The following LDLRAD3 variants were observed in gnomAD, a reference collection of about 807,000 sequenced individuals.
The protein encoded by LDLRAD3 is low-density lipoprotein receptor class A domain-containing protein 3.
A neutral mutation model predicts 29.4 loss-of-function variants in LDLRAD3; 20 were observed. That is an observed-to-expected ratio of 0.68 (90% CI 0.48 to 0.99). The LOEUF (loss-of-function observed/expected upper bound fraction) is 0.99, where lower values mean the gene tolerates loss of function less well. Ranked by LOEUF, LDLRAD3 falls within the 50% of genes least tolerant of loss-of-function variation. The pLI, the probability that LDLRAD3 is intolerant of heterozygous loss-of-function variation, is 0.00. For synonymous variants in LDLRAD3, 157 were observed against 192.7 expected (o/e 0.81, Z 1.53); for missense variants, 420 against 454.3 (o/e 0.92, Z 0.69).
intron 4 of LDLRAD3, among the ~76,000 whole-genome samples, chr11:36,210,190 A>G (rs1855264543): frequency 6.6e-6 from 1 of 152,182 alleles, no homozygotes; most frequent in Non-Finnish European, 1.5e-5. Context: ...GGCCCTTAGT[A>G]GGTGCTAGGA....
chr11:36,124,444 G>A (rs1853805842), intron 4 of LDLRAD3, among the ~76,000 whole-genome samples: 1 of 152,138 alleles, frequency 6.6e-6, no homozygotes, highest in Non-Finnish European at 1.5e-5. Flanking sequence ...AGGGTAGTGA[G>A]ACCCAGAGAG....
chr11:36,008,872 T>A (rs1242013656), intron 1 of LDLRAD3, among the ~76,000 whole-genome samples: 1 of 152,234 alleles, frequency 6.6e-6, no homozygotes, highest in African/African-American at 2.4e-5. Flanking sequence ...GCCTTATTTT[T>A]AAAAACATGT....
At chr11:36,094,276 T>C (rs2133269750) in intron 3 of LDLRAD3, among the ~76,000 whole-genome samples, 1 of 152,258 alleles carries the variant, frequency 6.6e-6, no homozygotes, top group East Asian at 1.9e-4. Flanking sequence ...TGATGCACTA[T>C]GGCCCTGTTT....
rs547061460 is a variant in LDLRAD3, at chr11:35,950,961, T to C, written c.46+6817T>C. Among the ~76,000 whole-genome samples, 12 of 152,182 alleles carry C rather than the reference T, an allele frequency of 7.9e-5. No homozygotes were observed. The East Asian group carries it at 2.3e-3, about 29-fold the overall frequency. On this transcript the variant is annotated intron_variant, in intron 1 of 5. Transcript: ENST00000315571. Reference sequence around the variant, plus strand: ...AGCCGGGAGTGGTGGCACGCACCTGTAATCCCAGCTACTTGGGAGGCTGAG... The same window carrying C: ...AGCCGGGAGTGGTGGCACGCACCTGCAATCCCAGCTACTTGGGAGGCTGAG...
intron 1 of LDLRAD3, among the ~76,000 whole-genome samples, chr11:36,008,585 A>G (rs946193094): frequency 2.6e-5 from 4 of 152,212 alleles, no homozygotes; most frequent in African/African-American, 9.7e-5. Flanking sequence ...GGTGAGAAAG[A>G]ATGAATATAT....
chr11:36,150,933 G>T, intron 4 of LDLRAD3, among the ~76,000 whole-genome samples: 1 of 151,994 alleles, frequency 6.6e-6, no homozygotes, highest in East Asian at 1.9e-4. Flanking sequence ...TGCTTGTCTT[G>T]CTGTCTGTGT....
intron 1 of LDLRAD3, among the ~76,000 whole-genome samples, chr11:35,992,408 C>T (rs965386006): frequency 6.6e-6 from 1 of 152,182 alleles, no homozygotes; most frequent in Admixed American, 6.5e-5. Context: ...TGGTTCATAG[C>T]AGCATTCATA....
intron 1 of LDLRAD3, among the ~76,000 whole-genome samples, chr11:36,034,950 G>A (rs1399175758): frequency 6.6e-6 from 1 of 152,212 alleles, no homozygotes; most frequent in East Asian, 1.9e-4. Flanking sequence ...CAAGGTTTAT[G>A]AAAGAGAATC....
chr11:35,967,588 A>G, intron 1 of LDLRAD3: 1 of 436,508 alleles, frequency 2.3e-6, no homozygotes, highest in African/African-American at 2.1e-5. Flanking sequence ...TATATATCAC[A>G]TGGGCAGAGA....
intron 4 of LDLRAD3, among the ~76,000 whole-genome samples, chr11:36,157,300 A>G (rs1854368313): frequency 6.6e-6 from 1 of 152,176 alleles, no homozygotes; most frequent in Non-Finnish European, 1.5e-5. Context: ...ATGTAGTCCA[A>G]AAACTCAAAA....
rs570546191 is a variant in LDLRAD3 at position 36,044,223 on chromosome 11, G to C, written c.193+7974G>C. Among the ~76,000 whole-genome samples the C allele has an allele frequency of 6.6e-5, 10 of 152,224 alleles. No homozygotes were observed. In the South Asian group the frequency reaches 1.9e-3, roughly 29 times the overall value. The stretch of plus-strand genomic sequence containing the variant: ...AGATAATAGCAGTGCCTATCCCAGA[G>C]ATGTGATATTTCAGGGGTGATGTTT... On this transcript the variant is annotated intron_variant, in intron 2 of 5. Coordinates refer to ENST00000315571, the MANE Select transcript of LDLRAD3 (RefSeq NM_174902.4).
chr11:35,995,458 G>T lies in LDLRAD3; in HGVS notation c.47-40645G>T, dbSNP rs74607806. On this transcript the variant is annotated intron_variant, in intron 1 of 5. Coordinates refer to ENST00000315571, the MANE Select transcript of LDLRAD3 (RefSeq NM_174902.4). ...TCCAGGCTTTGTTGTTCCATTTACAGAGTGCAGGCAGGTTAGAGTTAGCAT... is the reference window on the plus strand; with the variant it reads ...TCCAGGCTTTGTTGTTCCATTTACATAGTGCAGGCAGGTTAGAGTTAGCAT... Among the ~76,000 whole-genome samples, 139 of 152,328 alleles carry T rather than the reference G, an allele frequency of 9.1e-4. 1 individual carries two copies. Among genetic ancestry groups the T allele is most frequent in the African/African-American group, 3.2e-3 (131 of 41,566 alleles).
intron 2 of LDLRAD3, among the ~76,000 whole-genome samples, chr11:36,043,359 GCTGT>G (rs1205003797): frequency 2.6e-5 from 4 of 152,188 alleles, no homozygotes; most frequent in Non-Finnish European, 4.4e-5. Flanking sequence ...GCTTCCTGCA[GCTGT>G]CTAACAGGCT....
intron 2 of LDLRAD3, among the ~76,000 whole-genome samples, chr11:36,060,924 A>G (rs1852688615): frequency 6.6e-6 from 1 of 152,224 alleles, no homozygotes; most frequent in African/African-American, 2.4e-5. Flanking sequence ...ATATGAATTT[A>G]TAACAGATAA....
At chr11:36,105,762 C>T (rs942366373) in intron 4 of LDLRAD3, among the ~76,000 whole-genome samples, 12 of 152,250 alleles carry the variant, frequency 7.9e-5, no homozygotes, top group Admixed American at 7.2e-4. Context: ...GCCAACCCTG[C>T]GGACATTTTG....
chr11:36,089,775 C>CTTT (rs113433655), intron 3 of LDLRAD3, among the ~76,000 whole-genome samples: 5 of 138,196 alleles, frequency 3.6e-5, no homozygotes, highest in Non-Finnish European at 4.7e-5. Context: ...AATTTTTAAA[C>CTTT]TTTTTTTTTT....
chr11:36,026,283 G>A (rs1005605516), intron 1 of LDLRAD3, among the ~76,000 whole-genome samples: 4 of 152,154 alleles, frequency 2.6e-5, no homozygotes, highest in African/African-American at 9.7e-5. Flanking sequence ...TTGTGTGAAT[G>A]TACCCTGTTT....
chr11:36,188,932 G>T (rs6484826), intron 4 of LDLRAD3, among the ~76,000 whole-genome samples: 6 of 151,894 alleles, frequency 4.0e-5, no homozygotes, highest in African/African-American at 1.5e-4. Flanking sequence ...ATGAAGTGGC[G>T]CAACTGAATC....
At chr11:36,028,509 T>C (rs1852195539) in intron 1 of LDLRAD3, among the ~76,000 whole-genome samples, 1 of 152,084 alleles carries the variant, frequency 6.6e-6, no homozygotes, top group Non-Finnish European at 1.5e-5. Flanking sequence ...AAGTCAGCCA[T>C]CACCTGCTTG....
Sources: allele counts gnomAD v4.1 joint callset (sites outside exome capture counted in the v4.1 genomes callset), GRCh38; gene constraint gnomAD v4.1.1; transcripts MANE v1.5; gene names NCBI Gene and HGNC (gene_info 2026-07-23, HGNC 2026-07-21).